OPCML: variants seen among roughly 807,000 people sequenced by gnomAD.
OPCML encodes opioid binding protein/cell adhesion molecule like, also known as opioid-binding protein/cell adhesion molecule.
In OPCML, 13 loss-of-function variants were observed where a neutral mutation model predicts 37.8. The ratio of observed to expected loss-of-function variants is 0.34; its 90% confidence interval spans 0.22 to 0.55. OPCML has a LOEUF of 0.55. Among genes scored for constraint, OPCML ranks in the 20% least tolerant of loss-of-function variants. OPCML has a pLI of 0.91. For synonymous variants in OPCML, 176 were observed against 168.8 expected (o/e 1.04, Z -0.33); for missense variants, 341 against 435.6 (o/e 0.78, Z 1.93).
At chr11:132,459,581 A>T (rs1015919366) in intron 4 of OPCML, among the ~76,000 whole-genome samples, 1 of 150,740 alleles carries the variant, frequency 6.6e-6, no homozygotes, top group African/African-American at 2.4e-5. Flanking sequence ...AGAGAGAGAG[A>T]TCCTACTGGT....
At chr11:133,085,006 A>G (rs1041618572) in intron 1 of OPCML, among the ~76,000 whole-genome samples, 1 of 152,198 alleles carries the variant, frequency 6.6e-6, no homozygotes, top group Non-Finnish European at 1.5e-5. Flanking sequence ...AAGGACTGAA[A>G]TATCTCATTC....
chr11:133,487,907 TC>T (rs1947564240), intron 1 of OPCML, among the ~76,000 whole-genome samples: 1 of 140,206 alleles, frequency 7.1e-6, no homozygotes, highest in Admixed American at 7.3e-5. Flanking sequence ...CAACAGCACA[TC>T]AAAAAGATAA....
At chr11:132,676,935 A>G (rs2135837416) in intron 2 of OPCML, among the ~76,000 whole-genome samples, 2 of 152,196 alleles carry the variant, frequency 1.3e-5, no homozygotes, top group Middle Eastern at 3.4e-3. Flanking sequence ...CTGATTAAGA[A>G]GAAAGAAACC....
chr11:132,476,596 A>T (rs979153887), intron 4 of OPCML, among the ~76,000 whole-genome samples: 17 of 152,134 alleles, frequency 1.1e-4, no homozygotes, highest in African/African-American at 3.9e-4. Context: ...AAGGACAAAA[A>T]CCCAAACACC....
At chr11:133,081,813 A>C (rs975379053) in intron 1 of OPCML, among the ~76,000 whole-genome samples, 2 of 152,094 alleles carry the variant, frequency 1.3e-5, no homozygotes, top group African/African-American at 4.8e-5. Flanking sequence ...TTCGAATGGC[A>C]GGTGAAGCGC....
intron 1 of OPCML, among the ~76,000 whole-genome samples, chr11:133,403,827 G>A (rs1219393989): frequency 6.6e-6 from 1 of 152,204 alleles, no homozygotes; most frequent in African/African-American, 2.4e-5. Context: ...TCACATTAAT[G>A]ATCTCATGGC....
At chr11:133,224,485 C>T (rs1361750611) in intron 1 of OPCML, among the ~76,000 whole-genome samples, 1 of 152,168 alleles carries the variant, frequency 6.6e-6, no homozygotes, top group African/African-American at 2.4e-5. Context: ...CAGATTATGC[C>T]TCAGCTTAGA....
intron 2 of OPCML, among the ~76,000 whole-genome samples, chr11:132,861,407 A>T (rs1054905848): frequency 2.8e-4 from 43 of 152,374 alleles, no homozygotes; most frequent in African/African-American, 1.0e-3. Flanking sequence ...ACTATTCAAA[A>T]TAATTATGTA....
chr11:132,943,143 C>A lies in OPCML; in HGVS notation c.62-133G>T. Reference sequence around the variant, plus strand: ...CTCCGGCAGCCGCACAGTCCTGGTCCCCCGCCCCGCGCACCAGCGGGCTCG... The same window carrying A: ...CTCCGGCAGCCGCACAGTCCTGGTCACCCGCCCCGCGCACCAGCGGGCTCG... On this transcript the variant is annotated intron_variant, in intron 1 of 7. Coordinates refer to ENST00000524381, the MANE Select transcript of OPCML (RefSeq NM_001012393.5). The surrounding 1 kb of genome is among the most constrained non-coding windows in gnomAD (Gnocchi z 4.3). The A allele has an allele frequency of 6.2e-7, 1 of 1,604,816 alleles. No individual in the cohort carries two copies. Among genetic ancestry groups the A allele is most frequent in the Non-Finnish European group, 8.5e-7 (1 of 1,172,668 alleles).
intron 1 of OPCML, among the ~76,000 whole-genome samples, chr11:133,528,271 T>A (rs75002324): frequency 6.6e-6 from 1 of 152,242 alleles, no homozygotes. Flanking sequence ...TGAATGCAGA[T>A]GACGCAGTCT....
intron 1 of OPCML, among the ~76,000 whole-genome samples, chr11:133,287,132 A>AT (rs1297576606): frequency 8.5e-5 from 13 of 152,104 alleles, no homozygotes; most frequent in East Asian, 3.8e-4. Flanking sequence ...CATATGGCTC[A>AT]TTTTTTTGCC....
At chr11:133,261,697 T>A (rs1941500469) in intron 1 of OPCML, among the ~76,000 whole-genome samples, 1 of 152,152 alleles carries the variant, frequency 6.6e-6, no homozygotes, top group South Asian at 2.1e-4. Flanking sequence ...CAGTAACACT[T>A]GGTTGAAGGA....
rs1491046671 is a variant in OPCML, at chr11:133,458,885, A to ATG, written c.61+73377_61+73378dup. Among the ~76,000 whole-genome samples the ATG allele has an allele frequency of 2.3e-4, 24 of 105,092 alleles. 4 individuals carry two copies. The African/African-American group carries it at 4.1e-3, about 18-fold the overall frequency. The allele number at this position is 105,092 out of a possible 152,430, so 68.9% of individuals were successfully genotyped here. On this transcript the variant is annotated intron_variant, in intron 1 of 7. Transcript: ENST00000524381. ...TATATATACACACACATACACACAC[A>ATG]TGTGTGTGTATATATATACACATAT...
At chr11:132,847,521 A>T (rs1438478165) in intron 2 of OPCML, among the ~76,000 whole-genome samples, 2 of 152,054 alleles carry the variant, frequency 1.3e-5, no homozygotes, top group Non-Finnish European at 2.9e-5. Flanking sequence ...TTTAATACTC[A>T]TTTTTTTCTT....
intron 1 of OPCML, among the ~76,000 whole-genome samples, chr11:133,051,683 G>GT (rs1948134410): frequency 6.6e-6 from 1 of 152,104 alleles, no homozygotes; most frequent in Non-Finnish European, 1.5e-5. Context: ...ATTTTTTCTT[G>GT]TAAGCCTCTC....
At chr11:133,457,907 G>A (rs1946706755) in intron 1 of OPCML, among the ~76,000 whole-genome samples, 1 of 152,024 alleles carries the variant, frequency 6.6e-6, no homozygotes, top group Non-Finnish European at 1.5e-5. Context: ...AACACTTTGG[G>A]AGGCCTAGGC....
intron 1 of OPCML, chr11:133,004,190 C>A: frequency 1.0e-6 from 1 of 985,476 alleles, no homozygotes; most frequent in South Asian, 4.7e-5. Context: ...CATCTGAGGC[C>A]TCCTCCATCT....
chr11:132,577,992 A>G (rs2096454535), intron 3 of OPCML, among the ~76,000 whole-genome samples: 2 of 152,312 alleles, frequency 1.3e-5, no homozygotes, highest in East Asian at 3.9e-4. Flanking sequence ...ACAGGTTACT[A>G]TATATGTAGA....
intron 2 of OPCML, among the ~76,000 whole-genome samples, chr11:132,916,073 T>A (rs908627175): frequency 6.6e-6 from 1 of 152,240 alleles, no homozygotes; most frequent in Admixed American, 6.5e-5. Flanking sequence ...ATTTTTCTGA[T>A]GCTGTCAGAA....
Sources: allele counts gnomAD v4.1 joint callset (sites outside exome capture counted in the v4.1 genomes callset), GRCh38; gene constraint gnomAD v4.1.1; non-coding constraint Gnocchi (gnomAD v3.1); transcripts MANE v1.5; gene names NCBI Gene and HGNC (gene_info 2026-07-23, HGNC 2026-07-21).